Variants in AKT1 observed in about 807,000 individuals in gnomAD.
AKT1 encodes the protein RAC-alpha serine/threonine-protein kinase.
AKT1 carries 21 observed loss-of-function variants against 63.1 expected under a neutral mutation model. That is an observed-to-expected ratio of 0.33 (90% CI 0.24 to 0.48). The LOEUF (loss-of-function observed/expected upper bound fraction) is 0.48, where lower values mean the gene tolerates loss of function less well. Ranked by LOEUF, AKT1 falls within the 20% of genes least tolerant of loss-of-function variation. The probability of loss-of-function intolerance (pLI) is 0.99; values close to 1 mark genes in which losing one functional copy is unlikely to be tolerated. For missense variants in AKT1, 382 were observed against 666.0 expected (o/e 0.57, Z 4.69); for synonymous variants, 257 against 253.1 (o/e 1.02, Z -0.15).
intron 14 of AKT1, 69 bp from the exon 15 acceptor site, chr14:104,770,489 G>T: frequency 7.0e-7 from 1 of 1,438,746 alleles, no homozygotes. Context: ...CACAGCTCCA[G>T]TAGGAAGCCA....
chr14:104,777,175 T>G (rs746582034), intron 4 of AKT1: 10 of 222,496 alleles, frequency 4.5e-5, no homozygotes, highest in Non-Finnish European at 9.1e-5. Flanking sequence ...TGTAGAAATG[T>G]CCTGCTTTTT....
intron 3 of AKT1, among the ~76,000 whole-genome samples, chr14:104,783,935 C>G (rs1005164301): frequency 2.0e-5 from 3 of 152,232 alleles, no homozygotes; most frequent in Non-Finnish European, 2.9e-5. Context: ...TGGGGGACCC[C>G]ACACCACTGC....
Position 104,772,272 on chromosome 14 carries a change from G to A in AKT1, c.1260+93C>T, listed in dbSNP as rs150861537. ...GCAGGCTCCTGAGGTGAGGGCGAGTGTGTGGGAAATCTGGCGAGCGTGCCA... is the reference window on the plus strand; with the variant it reads ...GCAGGCTCCTGAGGTGAGGGCGAGTATGTGGGAAATCTGGCGAGCGTGCCA... On this transcript the variant is annotated intron_variant, in intron 13 of 14. Coordinates refer to ENST00000649815, the MANE Select transcript of AKT1 (RefSeq NM_001382430.1). 16,064 of 1,356,892 alleles carry A rather than the reference G, an allele frequency of 0.012. 149 individuals carry two copies. The highest frequency in any genetic ancestry group is 0.016 in the South Asian group (1,327 of 82,530). The allele number at this position is 1,356,892 out of a possible 1,614,324, so 84.1% of individuals were successfully genotyped here.
At chr14:104,776,149 C>G (rs1355790374) in intron 5 of AKT1, 2 of 243,886 alleles carry the variant, frequency 8.2e-6, no homozygotes, top group East Asian at 1.0e-4. Context: ...CCCTCTCCAC[C>G]GGGTTTTTCT....
chr14:104,787,493 A>C (rs748892705), intron 3 of AKT1, among the ~76,000 whole-genome samples: 3 of 152,208 alleles, frequency 2.0e-5, no homozygotes, highest in Non-Finnish European at 4.4e-5. Context: ...GGAGGGCCCG[A>C]GGGCAGGGTG....
In AKT1 at chr14:104,770,121, G is replaced by A; in HGVS notation, c.*220C>T. On this transcript the variant is annotated 3_prime_UTR_variant, in exon 15 of 15. Transcript: ENST00000649815. Reference sequence around the variant, plus strand: ...TGAGGCCACACCCGGAGAACAAACTGGATGAAATAAATTAAAACCCGCAGG... The same window carrying A: ...TGAGGCCACACCCGGAGAACAAACTAGATGAAATAAATTAAAACCCGCAGG... 1.7e-6 allele frequency: 1 copy of A among 602,452 alleles called. No individual in the cohort carries two copies. The highest frequency in any genetic ancestry group is 3.0e-6 in the Non-Finnish European group (1 of 336,824). The allele number at this position is 602,452 out of a possible 1,614,324, so 37.3% of individuals were successfully genotyped here.
intron 3 of AKT1, among the ~76,000 whole-genome samples, chr14:104,785,060 G>T (rs1468883772): frequency 2.0e-5 from 3 of 152,226 alleles, no homozygotes; most frequent in East Asian, 1.9e-4. Flanking sequence ...AGCAGGCCCT[G>T]GGAGCGGGCG....
chr14:104,785,551 C>T (rs1172891504), intron 3 of AKT1, among the ~76,000 whole-genome samples: 2 of 152,180 alleles, frequency 1.3e-5, no homozygotes, highest in Non-Finnish European at 2.9e-5. Flanking sequence ...AGGACCCATT[C>T]TGCTCTCCCA....
At chr14:104,785,726 C>T (rs541437087) in intron 3 of AKT1, among the ~76,000 whole-genome samples, 1 of 152,276 alleles carries the variant, frequency 6.6e-6, no homozygotes, top group East Asian at 1.9e-4. Context: ...ACTGCAAATT[C>T]TTCACCTCCT....
At chr14:104,776,103 CT>C (rs1486888513) in intron 5 of AKT1, 1 of 311,754 alleles carries the variant, frequency 3.2e-6, no homozygotes, top group Non-Finnish European at 5.7e-6. Context: ...AGGACTCCGC[CT>C]CCCAAGCAGG....
chr14:104,776,108 A>T, intron 5 of AKT1: 1 of 204,450 alleles, frequency 4.9e-6, no homozygotes, highest in Non-Finnish European at 8.3e-6. Flanking sequence ...TCCGCCTCCC[A>T]AGCAGGACTC....
chr14:104,781,333 A>G (rs970560498), intron 3 of AKT1, among the ~76,000 whole-genome samples: 1 of 151,962 alleles, frequency 6.6e-6, no homozygotes, highest in East Asian at 1.9e-4. Context: ...GGACACCTGG[A>G]GGGATGTGGG....
chr14:104,770,030 G>A lies in AKT1; in HGVS notation c.*311C>T. The A allele has an allele frequency of 2.1e-6, 1 of 483,654 alleles. No individual in the cohort carries two copies. Among genetic ancestry groups the A allele is most frequent in the Non-Finnish European group, 3.8e-6 (1 of 265,328 alleles). 30.0% of individuals were successfully genotyped at this position (483,654 alleles called of 1,614,324 possible). A position where few individuals can be genotyped will look rare whatever the true frequency, so the allele number is the denominator to read the frequency against. ...GGCAGGACCTGCCCGGCCCCCCAAT[G>A]CCACATTGCGCATAGCTGCAGAAGT... On this transcript the variant is annotated 3_prime_UTR_variant, in exon 15 of 15. Transcript: ENST00000649815.
chr14:104,775,915 G>T, intron 5 of AKT1, 116 bp from the exon 6 acceptor site: 1 of 1,341,788 alleles, frequency 7.5e-7, no homozygotes, highest in South Asian at 1.4e-5. Flanking sequence ...GGTTCCCAGA[G>T]ACAGCCCTGA....
intron 3 of AKT1, among the ~76,000 whole-genome samples, chr14:104,791,254 C>A (rs1042033849): frequency 6.6e-6 from 1 of 152,064 alleles, no homozygotes; most frequent in East Asian, 1.9e-4. Flanking sequence ...GGGCCAGGGT[C>A]GGGGCAGGGG....
At chr14:104,784,402 CG>C (rs1373323814) in intron 3 of AKT1, among the ~76,000 whole-genome samples, 1 of 152,208 alleles carries the variant, frequency 6.6e-6, no homozygotes, top group East Asian at 1.9e-4. Context: ...TGTCCCTGCC[CG>C]GGGGGACAGC....
intron 5 of AKT1, 158 bp downstream of exon 5, chr14:104,776,501 G>A: frequency 1.6e-6 from 1 of 610,662 alleles, no homozygotes; most frequent in Non-Finnish European, 2.8e-6. Context: ...CCACAGGCAG[G>A]ACTGGGCCAG....
At chr14:104,771,044 G>A (rs1394072267) in intron 13 of AKT1, 197 bp from the exon 14 acceptor site, 2 of 587,958 alleles carry the variant, frequency 3.4e-6, no homozygotes, top group Non-Finnish European at 6.1e-6. Flanking sequence ...CAGGAGCACG[G>A]AGACAACCCT....
chr14:104,771,980 G>A (rs1595240373), intron 13 of AKT1: 36 of 375,610 alleles, frequency 9.6e-5, no homozygotes, highest in East Asian at 8.3e-4. Context: ...TCAAACAGGA[G>A]GAACTCGTGG....
Sources: allele counts gnomAD v4.1 joint callset (sites outside exome capture counted in the v4.1 genomes callset), GRCh38; gene constraint gnomAD v4.1.1; transcripts MANE v1.5; gene names NCBI Gene and HGNC (gene_info 2026-07-23, HGNC 2026-07-21).